The following RABGAP1L variants were observed in gnomAD, a reference collection of about 807,000 sequenced individuals.
RABGAP1L encodes RAB GTPase activating protein 1 like.
RABGAP1L carries 63 observed loss-of-function variants against 137.7 expected under a neutral mutation model. The ratio of observed to expected loss-of-function variants is 0.46; its 90% CI spans 0.37 to 0.56. The LOEUF is 0.56. Among genes scored for constraint, RABGAP1L ranks in the 20% least tolerant of loss-of-function variants. RABGAP1L has a pLI of 0.00. For synonymous variants in RABGAP1L, 431 were observed against 433.7 expected, an observed-to-expected ratio of 0.99 and a Z score of 0.08; for missense variants, 1,095 against 1,244.0, an observed-to-expected ratio of 0.88 and a Z score of 1.80.
intron 13 of RABGAP1L, among the ~76,000 whole-genome samples, chr1:174,559,434 A>G (rs1372069050): frequency 6.6e-6 from 1 of 152,270 alleles, no homozygotes; most frequent in Non-Finnish European, 1.5e-5. Context: ...AATTTAGGAT[A>G]GAGTATCTTA....
chr1:174,342,812 C>T (rs1202694645), intron 11 of RABGAP1L, among the ~76,000 whole-genome samples: 3 of 150,826 alleles, frequency 2.0e-5, no homozygotes, highest in Non-Finnish European at 4.4e-5. Context: ...CCTCTCGGCT[C>T]ACTGCAACTT....
chr1:174,686,741 C>T (rs906046133), intron 15 of RABGAP1L, among the ~76,000 whole-genome samples: 2 of 149,148 alleles, frequency 1.3e-5, no homozygotes, highest in Admixed American at 6.8e-5. Flanking sequence ...AATGAAACCT[C>T]CGCCTCCTGG....
intron 18 of RABGAP1L, among the ~76,000 whole-genome samples, chr1:174,780,047 C>G (rs1686834348): frequency 6.7e-6 from 1 of 148,770 alleles, no homozygotes; most frequent in South Asian, 2.1e-4. Context: ...GCCTGGGAAA[C>G]AAGAGTGAAA....
intron 13 of RABGAP1L, among the ~76,000 whole-genome samples, chr1:174,560,491 G>A (rs1227064643): frequency 6.6e-6 from 1 of 152,226 alleles, no homozygotes; most frequent in African/African-American, 2.4e-5. Flanking sequence ...TACTTTGTAA[G>A]TCGTGTTAAT....
At chr1:174,862,134 G>T (rs139613842) in intron 19 of RABGAP1L, among the ~76,000 whole-genome samples, 4 of 152,186 alleles carry the variant, frequency 2.6e-5, no homozygotes, top group East Asian at 3.9e-4. Context: ...ATAAGATAAG[G>T]GTCCAGTTTC....
At chr1:174,978,731 C>T (rs1271817968) in intron 22 of RABGAP1L, 76 bp from the exon 23 acceptor site, 7 of 1,407,456 alleles carry the variant, frequency 5.0e-6, no homozygotes, top group African/African-American at 1.5e-5. Context: ...ATGAATCAGA[C>T]AGACTTGAAT....
chr1:174,869,800 A>T (rs796986604), intron 19 of RABGAP1L, among the ~76,000 whole-genome samples: 5 of 152,292 alleles, frequency 3.3e-5, no homozygotes, highest in African/African-American at 1.2e-4. Flanking sequence ...TTATAAAAAA[A>T]ACTCCAAGGA....
At chr1:174,979,754 G>A (rs776328969) in intron 23 of RABGAP1L, among the ~76,000 whole-genome samples, 5 of 152,198 alleles carry the variant, frequency 3.3e-5, no homozygotes, top group Non-Finnish European at 7.3e-5. Flanking sequence ...CATCACCATA[G>A]TGGTCTCAGA....
At chr1:174,542,775 G>A (rs909764120) in intron 13 of RABGAP1L, among the ~76,000 whole-genome samples, 5 of 152,180 alleles carry the variant, frequency 3.3e-5, no homozygotes, top group Non-Finnish European at 7.3e-5. Flanking sequence ...ATGTGTCCCA[G>A]AGATTCTGGT....
intron 12 of RABGAP1L, among the ~76,000 whole-genome samples, chr1:174,386,802 G>A (rs1007334937): frequency 2.6e-5 from 4 of 152,116 alleles, no homozygotes; most frequent in East Asian, 1.9e-4. Context: ...CCACCGCACC[G>A]GCCTAGATTA....
At chr1:174,535,350 T>G (rs1664813437) in intron 13 of RABGAP1L, among the ~76,000 whole-genome samples, 1 of 152,222 alleles carries the variant, frequency 6.6e-6, no homozygotes, top group African/African-American at 2.4e-5. Flanking sequence ...CTGCATGCTC[T>G]GCATATTATA....
intron 11 of RABGAP1L, among the ~76,000 whole-genome samples, chr1:174,323,145 A>G (rs1272156327): frequency 6.6e-6 from 1 of 151,826 alleles, no homozygotes; most frequent in Non-Finnish European, 1.5e-5. Context: ...CTATGTTTGA[A>G]GAAAGATAAC....
chr1:174,801,936 T>G (rs903384839), intron 18 of RABGAP1L, among the ~76,000 whole-genome samples: 3 of 152,208 alleles, frequency 2.0e-5, no homozygotes, highest in Non-Finnish European at 4.4e-5. Flanking sequence ...CTACTCAACT[T>G]TGTGACTCAA....
At chr1:174,563,634 G>A (rs1667371439) in intron 13 of RABGAP1L, among the ~76,000 whole-genome samples, 1 of 152,066 alleles carries the variant, frequency 6.6e-6, no homozygotes, top group Admixed American at 6.5e-5. Context: ...TCAATTTTTG[G>A]CCTCTTTAAT....
At chr1:174,318,638 C>CTTTCTTTCTTTCTT (rs1679653106) in intron 11 of RABGAP1L, among the ~76,000 whole-genome samples, 8 of 88,582 alleles carry the variant, frequency 9.0e-5, no homozygotes, top group African/African-American at 2.9e-4. Flanking sequence ...CTTTCTTTTT[C>CTTTCTTTCTTTCTT]TTTCTTTTTT....
At position 174,993,211 on chromosome 1, in the gene RABGAP1L, C is replaced by G. The variant is rs1203663392; in HGVS notation, c.*3210C>G. ...AATTTAATGCAAAGAAATTCTGTTA[C>G]TTAATGTTCTGTTTATTTATGAGTG... On this transcript the variant is annotated 3_prime_UTR_variant, in exon 26 of 26. Transcript: ENST00000681986. 2 of 152,148 alleles carry G rather than the reference C, an allele frequency of 1.3e-5. No individual in the cohort carries two copies. Among genetic ancestry groups the G allele is most frequent in the Non-Finnish European group, 2.9e-5 (2 of 68,020 alleles). The allele number at this position is 152,148 out of a possible 1,614,324, so 9.4% of individuals were successfully genotyped here.
chr1:174,421,249 A>G (rs1558219158), intron 13 of RABGAP1L, among the ~76,000 whole-genome samples: 1 of 152,154 alleles, frequency 6.6e-6, no homozygotes, highest in Non-Finnish European at 1.5e-5. Context: ...ACTGGGATTC[A>G]AAAATGGGCC....
At chr1:174,532,666 A>G (rs1664520760) in intron 13 of RABGAP1L, among the ~76,000 whole-genome samples, 6 of 152,212 alleles carry the variant, frequency 3.9e-5, no homozygotes, top group Admixed American at 3.9e-4. Flanking sequence ...ATGGAATGGA[A>G]AGACAATACT....
chr1:174,170,973 A>G (rs1043634931), intron 1 of RABGAP1L, among the ~76,000 whole-genome samples: 3 of 152,234 alleles, frequency 2.0e-5, no homozygotes, highest in Non-Finnish European at 2.9e-5. Context: ...AATAAGTTGA[A>G]CAGATGAATA....
Sources: gnomAD v4.1 joint callset for allele counts (sites outside exome capture counted in the v4.1 genomes callset) on GRCh38, gnomAD v4.1.1 for gene constraint, MANE v1.5 for transcripts, NCBI Gene and HGNC (gene_info 2026-07-23, HGNC 2026-07-21) for gene names.